Variants in KITLG observed in about 807,000 individuals in gnomAD.
KITLG encodes the protein c-Kit ligand.
KITLG carries 13 observed loss-of-function variants against 34.1 expected under a neutral mutation model. That is an observed-to-expected ratio of 0.38 (90% confidence interval 0.25 to 0.61). KITLG has a LOEUF of 0.61. Among genes scored for constraint, KITLG ranks in the 20% least tolerant of loss-of-function variants. The pLI, the probability that KITLG is intolerant of heterozygous loss-of-function variation, is 0.60. For synonymous variants in KITLG, 110 were observed against 104.0 expected, an observed-to-expected ratio of 1.06 and a Z score of -0.35; for missense variants, 292 against 318.9, an observed-to-expected ratio of 0.92 and a Z score of 0.64.
intron 6 of KITLG, among the ~76,000 whole-genome samples, chr12:88,508,102 G>A (rs1448154342): frequency 6.6e-6 from 1 of 151,746 alleles, no homozygotes; most frequent in Non-Finnish European, 1.5e-5. Flanking sequence ...CAGGAGAATC[G>A]CATGAACCCG....
At chr12:88,555,937 A>T (rs892404772) in intron 1 of KITLG, among the ~76,000 whole-genome samples, 2 of 152,122 alleles carry the variant, frequency 1.3e-5, no homozygotes, top group African/African-American at 4.8e-5. Flanking sequence ...CAGAGAGAAA[A>T]GGCCCAGCCC....
chr12:88,520,057 C>A (rs1869601137), intron 3 of KITLG, among the ~76,000 whole-genome samples: 1 of 152,168 alleles, frequency 6.6e-6, no homozygotes, highest in Admixed American at 6.5e-5. Context: ...TTCCTGGAAC[C>A]ATTAAATGTC....
intron 6 of KITLG, among the ~76,000 whole-genome samples, chr12:88,510,188 ACTT>A (rs1221073810): frequency 6.6e-6 from 1 of 152,186 alleles, no homozygotes; most frequent in East Asian, 1.9e-4. Context: ...ATTTTGCTGA[ACTT>A]CTTTTTAGAG....
chr12:88,499,962 C>A (rs1395431562), intron 9 of KITLG, among the ~76,000 whole-genome samples: 3 of 152,138 alleles, frequency 2.0e-5, no homozygotes, highest in Admixed American at 6.6e-5. Context: ...CACACCTCAG[C>A]TTTGATTGTC....
chr12:88,527,518 C>T (rs1453995267), intron 3 of KITLG, among the ~76,000 whole-genome samples: 2 of 152,150 alleles, frequency 1.3e-5, no homozygotes, highest in East Asian at 3.9e-4. Context: ...CCATATTTAG[C>T]TGTGCCTTTA....
At chr12:88,534,596 G>C in intron 2 of KITLG, 2 of 440,698 alleles carry the variant, frequency 4.5e-6, no homozygotes, top group South Asian at 3.3e-5. Flanking sequence ...CAAACTCCTG[G>C]CCTCAAGTGA....
intron 1 of KITLG, among the ~76,000 whole-genome samples, chr12:88,567,457 A>G (rs1871481671): frequency 6.6e-6 from 1 of 152,226 alleles, no homozygotes; most frequent in Non-Finnish European, 1.5e-5. Flanking sequence ...AAAGAATGGA[A>G]TGCTTGTTTA....
chr12:88,569,240 T>C (rs570066042), intron 1 of KITLG, among the ~76,000 whole-genome samples: 2 of 152,300 alleles, frequency 1.3e-5, no homozygotes, highest in African/African-American at 4.8e-5. Flanking sequence ...CTTGGGCACA[T>C]GATAGAAAGA....
chr12:88,565,333 A>C (rs1396376202), intron 1 of KITLG, among the ~76,000 whole-genome samples: 1 of 152,108 alleles, frequency 6.6e-6, no homozygotes, highest in African/African-American at 2.4e-5. Flanking sequence ...ATTATGTATC[A>C]AAAAAAATCT....
chr12:88,534,968 A>G (rs1870254726), intron 2 of KITLG, among the ~76,000 whole-genome samples: 1 of 152,342 alleles, frequency 6.6e-6, no homozygotes, highest in Admixed American at 6.5e-5. Flanking sequence ...AATTAAAGGC[A>G]TTCCAGATAG....
At position 88,495,556 on chromosome 12, in the gene KITLG, C is replaced by T. The variant is rs1271375511; in HGVS notation, c.*1663G>A. Reference sequence around the variant, plus strand: ...TAGAGAAGAAAGGGACTGTAGGAATCATCTGGGCTCTTTGGTACAAAAAAG... The same window carrying T: ...TAGAGAAGAAAGGGACTGTAGGAATTATCTGGGCTCTTTGGTACAAAAAAG... On this transcript the variant is annotated 3_prime_UTR_variant, in exon 10 of 10. Transcript: ENST00000644744. 6.6e-6 allele frequency: 1 copy of T among 152,506 alleles called. No homozygotes were observed. Among genetic ancestry groups the T allele is most frequent in the Non-Finnish European group, 1.5e-5 (1 of 67,988 alleles). The allele number at this position is 152,506 out of a possible 1,614,324, so 9.4% of individuals were successfully genotyped here. A position where few individuals can be genotyped will look rare whatever the true frequency, so the allele number is the denominator to read the frequency against.
chr12:88,523,243 A>T (rs1869740527), intron 3 of KITLG, among the ~76,000 whole-genome samples: 1 of 152,200 alleles, frequency 6.6e-6, no homozygotes, highest in African/African-American at 2.4e-5. Context: ...CAGACCTAGA[A>T]GGAATACTGA....
chr12:88,510,082 T>C (rs1382568622), intron 6 of KITLG, among the ~76,000 whole-genome samples: 2 of 152,208 alleles, frequency 1.3e-5, no homozygotes, highest in East Asian at 3.8e-4. Context: ...TTACCAAAAC[T>C]ATTCACTGTC....
Position 88,566,400 on chromosome 12 carries a change from G to A in KITLG, c.15+13864C>T, listed in dbSNP as rs564135543. Among the ~76,000 whole-genome samples, 3 of 152,110 alleles carry A rather than the reference G, an allele frequency of 2.0e-5. No individual in the cohort carries two copies. In the South Asian group the frequency reaches 6.2e-4, roughly 31 times the overall value. On this transcript the variant is annotated intron_variant, in intron 1 of 9. Coordinates refer to ENST00000644744, the MANE Select transcript of KITLG (RefSeq NM_000899.5). ...ATACCAGTGTTAGACAACTTAGCTA[G>A]GTAAGTAAAAAAATAACTTCAATAT...
At chr12:88,515,367 G>A (rs1869418787) in intron 6 of KITLG, among the ~76,000 whole-genome samples, 167 bp downstream of exon 6, 1 of 151,706 alleles carries the variant, frequency 6.6e-6, no homozygotes, top group Non-Finnish European at 1.5e-5. Flanking sequence ...CAGCTCTAGG[G>A]AAATTTAATT....
At chr12:88,558,104 A>G (rs552991284) in intron 1 of KITLG, among the ~76,000 whole-genome samples, 1 of 152,324 alleles carries the variant, frequency 6.6e-6, no homozygotes, top group African/African-American at 2.4e-5. Flanking sequence ...ATCTGATCCC[A>G]AGTGCCCAAT....
intron 4 of KITLG, among the ~76,000 whole-genome samples, chr12:88,517,585 C>T (rs1869503131): frequency 6.6e-6 from 1 of 152,132 alleles, no homozygotes. Context: ...CTCTAATGCA[C>T]ATGTTATTTC....
chr12:88,518,919 A>C, intron 3 of KITLG, 52 bp from the exon 4 acceptor site: 1 of 1,521,330 alleles, frequency 6.6e-7, no homozygotes, highest in Non-Finnish European at 9.0e-7. Context: ...AGTAAGTGCC[A>C]TAAAACTCGG....
chr12:88,517,636 C>T (rs1869504260), intron 4 of KITLG, among the ~76,000 whole-genome samples: 2 of 152,228 alleles, frequency 1.3e-5, no homozygotes, highest in South Asian at 4.1e-4. Context: ...TTTTTGTGAT[C>T]TCTACTTCTT....
Sources: allele counts gnomAD v4.1 joint callset (sites outside exome capture counted in the v4.1 genomes callset), GRCh38; gene constraint gnomAD v4.1.1; transcripts MANE v1.5; gene names NCBI Gene and HGNC (gene_info 2026-07-23, HGNC 2026-07-21).